The following ARHGAP28 variants were observed in gnomAD, a reference collection of about 807,000 sequenced individuals.
The protein encoded by ARHGAP28 is rho GTPase-activating protein 28.
ARHGAP28 carries 56 observed loss-of-function variants against 90.7 expected under a neutral mutation model. The observed-to-expected ratio is 0.62, with a 90% CI of 0.50 to 0.77. The LOEUF (loss-of-function observed/expected upper bound fraction) is 0.77. Ranked by LOEUF, ARHGAP28 falls within the 30% of genes least tolerant of loss-of-function variation. ARHGAP28 has a pLI of 0.00. For missense variants in ARHGAP28, 869 were observed against 900.9 expected, an observed-to-expected ratio of 0.96 and a Z score of 0.45; for synonymous variants, 308 against 323.3, an observed-to-expected ratio of 0.95 and a Z score of 0.51.
intron 1 of ARHGAP28, among the ~76,000 whole-genome samples, chr18:6,793,302 A>G (rs944937254): frequency 6.6e-6 from 1 of 152,202 alleles, no homozygotes; most frequent in Non-Finnish European, 1.5e-5. Context: ...TGCTCAAAAT[A>G]AGGACAGATG....
chr18:6,828,138 T>C (rs909184350), intron 2 of ARHGAP28, among the ~76,000 whole-genome samples: 7 of 152,082 alleles, frequency 4.6e-5, no homozygotes, highest in Non-Finnish European at 7.4e-5. Flanking sequence ...CACTCGCGGT[T>C]AGGAGCTGGA....
Position 6,847,655 on chromosome 18 carries a change from G to T in ARHGAP28, c.544-3379G>T, listed in dbSNP as rs533451826. On this transcript the variant is annotated intron_variant, in intron 3 of 17. Coordinates refer to ENST00000383472, the MANE Select transcript of ARHGAP28 (RefSeq NM_001366230.1). The stretch of plus-strand genomic sequence containing the variant: ...GGTGTGTGTGTGTGTGTGTGTGTAG[G>T]TTAGACAAGTGGTAATCTTCAAACA... Among the ~76,000 whole-genome samples, 526 of 151,438 alleles carry T rather than the reference G, an allele frequency of 3.5e-3. 2 individuals carry two copies. Among genetic ancestry groups the T allele is most frequent in the Non-Finnish European group, 6.3e-3 (430 of 67,958 alleles).
At chr18:6,877,021 A>G (rs2057136575) in intron 10 of ARHGAP28, among the ~76,000 whole-genome samples, 1 of 152,216 alleles carries the variant, frequency 6.6e-6, no homozygotes, top group African/African-American at 2.4e-5. Context: ...AGCAGTTTTA[A>G]AAGCTGGATC....
Position 6,872,239 on chromosome 18 carries a change from G to A in ARHGAP28, c.955-1170G>A, listed in dbSNP as rs995714499. On this transcript the variant is annotated intron_variant, in intron 7 of 17. Coordinates refer to ENST00000383472, the MANE Select transcript of ARHGAP28 (RefSeq NM_001366230.1). ...CATGAAGAACTTTGCATAGGATTTA[G>A]CACATAGTAGTTGGTCAATAAGCGA... is the stretch of plus-strand genomic sequence containing the variant. 1.1e-4 allele frequency among the ~76,000 whole-genome samples: 16 copies of A among 152,286 alleles called. 1 individual carries two copies. The highest frequency in any genetic ancestry group is 2.0e-4 in the Admixed American group (3 of 15,298).
chr18:6,879,106 G>A (rs2143613924), intron 10 of ARHGAP28, among the ~76,000 whole-genome samples: 1 of 152,228 alleles, frequency 6.6e-6, no homozygotes, highest in East Asian at 1.9e-4. Flanking sequence ...CAGGGAACAC[G>A]CAGCTGTGGA....
rs1567966437 is a variant in ARHGAP28, at chr18:6,841,169, T to TCTCTCTCTC, written c.543+3756_543+3764dup. Among the ~76,000 whole-genome samples, 270 of 79,664 alleles carry TCTCTCTCTC rather than the reference T, an allele frequency of 3.4e-3. 1 individual carries two copies. The highest frequency in any genetic ancestry group is 5.5e-3 in the Non-Finnish European group (215 of 38,768). 52.3% of individuals were successfully genotyped at this position (79,664 alleles called of 152,430 possible). ...GTCTCTCTCCTCTTTCTCTCTCTCCTCTCTCTCTCTCCTCTCTCTCTCTCT... is the reference window on the plus strand; with the variant it reads ...GTCTCTCTCCTCTTTCTCTCTCTCCTCTCTCTCTCCTCTCTCTCTCCTCTCTCTCTCTCT... On this transcript the variant is annotated intron_variant, in intron 3 of 17. Coordinates refer to ENST00000383472, the MANE Select transcript of ARHGAP28 (RefSeq NM_001366230.1).
In ARHGAP28 at chr18:6,887,233, A is replaced by G. The variant is rs1454969364; in HGVS notation, c.1530A>G (p.Ala510=). 2 of 1,614,070 alleles carry G rather than the reference A, an allele frequency of 1.2e-6. No homozygotes were observed. Residue 510 remains alanine (A), a synonymous_variant, in exon 12 of 18, where the codon GCA becomes GCG. Coordinates refer to ENST00000383472, the MANE Select transcript of ARHGAP28 (RefSeq NM_001366230.1). ...CGCTGCCTGATGCCAACAGAGATGC[A>G]GCTCAGGTACGTCGTGTCCACCTCA... ...VMALPDANRD[A]AQALMTFFNK...
At chr18:6,853,603 G>A (rs1211155503) in intron 4 of ARHGAP28, among the ~76,000 whole-genome samples, 2 of 151,956 alleles carry the variant, frequency 1.3e-5, no homozygotes, top group Non-Finnish European at 2.9e-5. Flanking sequence ...CTCCCAAGTA[G>A]CTGGGATTAC....
At position 6,903,786 on chromosome 18, in the gene ARHGAP28, G is replaced by A. The variant is rs186885841; in HGVS notation, c.2031-5174G>A. 4.2e-3 allele frequency among the ~76,000 whole-genome samples: 531 copies of A among 125,178 alleles called. 3 individuals are homozygous for A. Among genetic ancestry groups the A allele is most frequent in the African/African-American group, 0.015 (489 of 32,470 alleles). 82.1% of individuals were successfully genotyped at this position (125,178 alleles called of 152,430 possible). ...GGAGGTTGCAGTGAGCCGAGATCAC[G>A]CCACTGCACTCCAGTCTGGGTGACA... On this transcript the variant is annotated intron_variant, in intron 16 of 17. Transcript: ENST00000383472.
In ARHGAP28 at chr18:6,832,995, G is replaced by T. The variant is rs940247510; in HGVS notation, c.326-4202G>T. Among the ~76,000 whole-genome samples, 4 of 152,052 alleles carry T rather than the reference G, an allele frequency of 2.6e-5. No homozygotes were observed. In the South Asian group the frequency reaches 6.2e-4, roughly 24 times the overall value. On this transcript the variant is annotated intron_variant, in intron 2 of 17. Transcript: ENST00000383472. Reference sequence around the variant, plus strand: ...ATTTCATTCTTCTTCATGCCCAGTGGTTTATACTATTGTTTTATGTATAAC... The same window carrying T: ...ATTTCATTCTTCTTCATGCCCAGTGTTTTATACTATTGTTTTATGTATAAC...
At chr18:6,906,791 A>G (rs1032251245) in intron 16 of ARHGAP28, among the ~76,000 whole-genome samples, 2 of 152,200 alleles carry the variant, frequency 1.3e-5, no homozygotes, top group African/African-American at 4.8e-5. Flanking sequence ...ACCTCACCAA[A>G]ATGGAAAACT....
intron 1 of ARHGAP28, among the ~76,000 whole-genome samples, chr18:6,777,241 T>C (rs543542924): frequency 6.6e-6 from 1 of 152,286 alleles, no homozygotes; most frequent in East Asian, 1.9e-4. Context: ...CCTGGATTTG[T>C]GAATCTATCT....
At chr18:6,827,068 A>T (rs2056670593) in intron 2 of ARHGAP28, among the ~76,000 whole-genome samples, 1 of 152,128 alleles carries the variant, frequency 6.6e-6, no homozygotes, top group Admixed American at 6.5e-5. Flanking sequence ...ACAAAATGAA[A>T]AGTCTCCCGT....
rs569046371 is a variant in ARHGAP28, at chr18:6,890,380, G to A, written c.1735-50G>A. On this transcript the variant is annotated intron_variant, in intron 13 of 17. Coordinates refer to ENST00000383472, the MANE Select transcript of ARHGAP28 (RefSeq NM_001366230.1). ...ATGCCTGAAGACAATCTGCTAGGGA[G>A]TTTGAATTCAAGTGTTTTCCATCCA... The A allele has an allele frequency of 2.7e-5, 33 of 1,232,648 alleles. No homozygotes were observed. The South Asian group carries it at 4.4e-4, about 16-fold the overall frequency. 76.4% of individuals were successfully genotyped at this position (1,232,648 alleles called of 1,614,324 possible). A position where few individuals can be genotyped will look rare whatever the true frequency, so the allele number is the denominator to read the frequency against.
intron 9 of ARHGAP28, among the ~76,000 whole-genome samples, 163 bp downstream of exon 9, chr18:6,873,938 C>T (rs532951128): frequency 6.6e-6 from 1 of 152,320 alleles, no homozygotes; most frequent in East Asian, 1.9e-4. Context: ...CACCGCATAA[C>T]GGCCCATGGC....
Position 6,841,208 on chromosome 18 carries a change from C to CCTCTCTCTCTCTCTCTCTCT in ARHGAP28, c.543+3809_543+3810insTCTCTCTCTCTCTCTCTCTC, listed in dbSNP as rs369622522. Among the ~76,000 whole-genome samples the CCTCTCTCTCTCTCTCTCTCT allele has an allele frequency of 1.2e-4, 5 of 43,136 alleles. No individual in the cohort carries two copies. In the Admixed American group the frequency reaches 1.4e-3, roughly 12 times the overall value. 28.3% of individuals were successfully genotyped at this position (43,136 alleles called of 152,430 possible). A position where few individuals can be genotyped will look rare whatever the true frequency, so the allele number is the denominator to read the frequency against. Reference sequence around the variant, plus strand: ...CTCTCTCTCTCTCTCTCTCTCCTCTCCTCTCTCTCTCTCTCCCCCCAACCC... The same window carrying CCTCTCTCTCTCTCTCTCTCT: ...CTCTCTCTCTCTCTCTCTCTCCTCTCCTCTCTCTCTCTCTCTCTCTCTCTCTCTCTCTCTCCCCCCAACCC... On this transcript the variant is annotated intron_variant, in intron 3 of 17. Coordinates refer to ENST00000383472, the MANE Select transcript of ARHGAP28 (RefSeq NM_001366230.1).
In ARHGAP28 at chr18:6,827,828, G is replaced by T. The variant is rs375371103; in HGVS notation, c.325+2864G>T. On this transcript the variant is annotated intron_variant, in intron 2 of 17. Transcript: ENST00000383472. ...AGACGCTCCTCACTTCCTAGATGGG[G>T]TCGCGGCCGGACAGAGGCACTCCCC... 3.2e-4 allele frequency among the ~76,000 whole-genome samples: 49 copies of T among 151,966 alleles called. No homozygotes were observed. The East Asian group carries it at 7.5e-3, about 23-fold the overall frequency.
At chr18:6,774,848 G>C (rs1473780473) in intron 1 of ARHGAP28, among the ~76,000 whole-genome samples, 2 of 152,168 alleles carry the variant, frequency 1.3e-5, no homozygotes, top group Non-Finnish European at 2.9e-5. Context: ...AGTTCTACAG[G>C]AAAGAGGTTT....
At chr18:6,794,861 T>G (rs1328965512) in intron 1 of ARHGAP28, among the ~76,000 whole-genome samples, 1 of 152,022 alleles carries the variant, frequency 6.6e-6, no homozygotes, top group Non-Finnish European at 1.5e-5. Flanking sequence ...TTTTAAATTT[T>G]TTATAGAGAC....
Sources: gnomAD v4.1 joint callset for allele counts (sites outside exome capture counted in the v4.1 genomes callset) on GRCh38, gnomAD v4.1.1 for gene constraint, MANE v1.5 for transcripts, NCBI Gene and HGNC (gene_info 2026-07-23, HGNC 2026-07-21) for gene names.